The following ANO4 variants were observed in gnomAD, a reference collection of about 807,000 sequenced individuals.
ANO4 encodes the protein anoctamin 4.
Under a neutral mutation model 141.9 loss-of-function variants are expected in ANO4, and 69 were observed. The ratio of observed to expected loss-of-function variants is 0.49; its 90% confidence interval spans 0.40 to 0.59. ANO4 has a LOEUF of 0.59. ANO4 is among the 20% of genes least tolerant of loss of function. The pLI is 0.00. For synonymous variants in ANO4, 350 were observed against 394.3 expected (o/e 0.89, Z 1.33); for missense variants, 894 against 1,162.2 (o/e 0.77, Z 3.36).
Position 100,971,192 on chromosome 12 carries a change from G to A in ANO4, c.457-114G>A, listed in dbSNP as rs1259585120. On this transcript the variant is annotated intron_variant, in intron 5 of 27. Transcript: ENST00000392977. ...TGTAAGGGTCTGGCCTATTGGTGAG[G>A]AATGCCCCAAATCATAAACTCTGTC... The A allele has an allele frequency of 6.4e-6, 4 of 627,696 alleles. No homozygotes were observed. In the Admixed American group the frequency reaches 8.1e-5, roughly 13 times the overall value. The allele number at this position is 627,696 out of a possible 1,614,324, so 38.9% of individuals were successfully genotyped here. A position where few individuals can be genotyped will look rare whatever the true frequency, so the allele number is the denominator to read the frequency against.
At chr12:100,746,667 C>G (rs140279796) in intron 3 of ANO4, among the ~76,000 whole-genome samples, 72 of 152,234 alleles carry the variant, frequency 4.7e-4, no homozygotes, top group Non-Finnish European at 5.9e-4. Flanking sequence ...AGGGATACTG[C>G]TAAACATCCT....
At chr12:100,724,836 C>A (rs2031035265) in intron 1 of ANO4, among the ~76,000 whole-genome samples, 1 of 152,158 alleles carries the variant, frequency 6.6e-6, no homozygotes, top group African/African-American at 2.4e-5. Context: ...ACTTACACAG[C>A]AAACATGGAC....
chr12:100,997,319 G>A (rs942174367), intron 8 of ANO4, among the ~76,000 whole-genome samples: 7 of 133,608 alleles, frequency 5.2e-5, no homozygotes, highest in South Asian at 2.5e-4. Context: ...GGGACAGAGC[G>A]AGACTCTGTC....
At chr12:100,884,373 TC>T (rs2039721795) in intron 1 of ANO4, among the ~76,000 whole-genome samples, 1 of 152,174 alleles carries the variant, frequency 6.6e-6, no homozygotes, top group South Asian at 2.1e-4. Context: ...GTCTCCCTCC[TC>T]CACAGGGCCC....
intron 5 of ANO4, among the ~76,000 whole-genome samples, chr12:100,954,762 A>G (rs948074311): frequency 6.6e-5 from 10 of 152,210 alleles, no homozygotes; most frequent in Non-Finnish European, 1.5e-4. Context: ...GTTTTTTAAC[A>G]TGGGCATGGC....
At chr12:100,844,130 G>A (rs549302503) in intron 1 of ANO4, among the ~76,000 whole-genome samples, 6 of 152,186 alleles carry the variant, frequency 3.9e-5, no homozygotes, top group Middle Eastern at 3.4e-3. Flanking sequence ...TACAGGAGGG[G>A]ATTAGATTTA....
intron 1 of ANO4, among the ~76,000 whole-genome samples, chr12:100,867,529 G>T (rs567617512): frequency 1.2e-4 from 18 of 152,166 alleles, no homozygotes; most frequent in Admixed American, 1.0e-3. Flanking sequence ...AAGAAGGCCT[G>T]TAGAGGACAA....
intron 3 of ANO4, among the ~76,000 whole-genome samples, chr12:100,936,430 T>C (rs2042290945): frequency 6.6e-6 from 1 of 152,136 alleles, no homozygotes; most frequent in Admixed American, 6.6e-5. Flanking sequence ...ATGTCAAATA[T>C]GGTCTGGGAG....
intron 1 of ANO4, among the ~76,000 whole-genome samples, chr12:100,841,061 A>G (rs2037220292): frequency 6.6e-6 from 1 of 152,070 alleles, no homozygotes; most frequent in South Asian, 2.1e-4. Context: ...GAGCAATGGG[A>G]ACACCTTTAA....
intron 1 of ANO4, among the ~76,000 whole-genome samples, chr12:100,872,291 T>C (rs2039074931): frequency 6.6e-6 from 1 of 152,080 alleles, no homozygotes; most frequent in Non-Finnish European, 1.5e-5. Flanking sequence ...CACAACATGA[T>C]GGATCCTGTC....
intron 3 of ANO4, among the ~76,000 whole-genome samples, chr12:100,746,747 C>T (rs2032129961): frequency 6.6e-6 from 1 of 152,170 alleles, no homozygotes; most frequent in African/African-American, 2.4e-5. Context: ...TCCTTCCTCC[C>T]TGGGTGTTTC....
chr12:100,996,458 G>A (rs536674196), intron 8 of ANO4, among the ~76,000 whole-genome samples: 1 of 152,350 alleles, frequency 6.6e-6, no homozygotes, highest in South Asian at 2.1e-4. Context: ...ACCGTAGCAG[G>A]TGGATCACCT....
chr12:101,039,285 G>A (rs1380219959), intron 10 of ANO4, among the ~76,000 whole-genome samples: 2 of 152,060 alleles, frequency 1.3e-5, no homozygotes, highest in African/African-American at 2.4e-5. Flanking sequence ...GGGACAGATC[G>A]CTTGAGTCTA....
At position 100,988,872 on chromosome 12, in the gene ANO4, G is replaced by GAAAAAAAAAAAA. The variant is rs748666892; in HGVS notation, c.734+1207_734+1218dup. Among the ~76,000 whole-genome samples, 11 of 65,022 alleles carry GAAAAAAAAAAAA rather than the reference G, an allele frequency of 1.7e-4. 1 individual carries two copies. The highest frequency in any genetic ancestry group is 5.0e-4 in the Admixed American group (3 of 5,978). The allele number at this position is 65,022 out of a possible 152,430, so 42.7% of individuals were successfully genotyped here. ...GGTGACAGAGTGAGACTCTGTCTCAGAAAAAAAAAAAAAAAAGAAAGAAAA... is the reference window on the plus strand; with the variant it reads ...GGTGACAGAGTGAGACTCTGTCTCAGAAAAAAAAAAAAAAAAAAAAAAAAAAAAGAAAGAAAA... On this transcript the variant is annotated intron_variant, in intron 8 of 27. Coordinates refer to ENST00000392977, the MANE Select transcript of ANO4 (RefSeq NM_001286615.2).
intron 9 of ANO4, among the ~76,000 whole-genome samples, chr12:101,030,057 A>G (rs1187780138): frequency 6.6e-6 from 1 of 152,192 alleles, no homozygotes. Context: ...CACCATCAAT[A>G]TTAGACAGAT....
intron 1 of ANO4, among the ~76,000 whole-genome samples, chr12:100,799,391 T>C (rs1386186255): frequency 2.0e-5 from 3 of 152,132 alleles, no homozygotes; most frequent in Non-Finnish European, 4.4e-5. Flanking sequence ...AGGGCGAATA[T>C]GTATATGATG....
chr12:100,720,400 G>A (rs1362659449), intron 1 of ANO4, among the ~76,000 whole-genome samples: 2 of 151,840 alleles, frequency 1.3e-5, no homozygotes, highest in African/African-American at 4.8e-5. Flanking sequence ...AGGATTCTTG[G>A]CAATGTGAAC....
chr12:101,099,857 C>G (rs1426411638), intron 22 of ANO4, 137 bp downstream of exon 22: 5 of 619,828 alleles, frequency 8.1e-6, no homozygotes, highest in Non-Finnish European at 1.2e-5. Context: ...AAGGCATGTC[C>G]TGCTTAAACT....
chr12:100,805,406 T>A (rs1269559339), intron 1 of ANO4, among the ~76,000 whole-genome samples: 2 of 152,250 alleles, frequency 1.3e-5, no homozygotes, highest in African/African-American at 4.8e-5. Flanking sequence ...TTTATTCTTT[T>A]TGCTTAGGAT....
Sources: gnomAD v4.1 joint callset for allele counts (sites outside exome capture counted in the v4.1 genomes callset) on GRCh38, gnomAD v4.1.1 for gene constraint, MANE v1.5 for transcripts, NCBI Gene and HGNC (gene_info 2026-07-23, HGNC 2026-07-21) for gene names.